Variants in EPN2 observed in about 807,000 individuals in gnomAD.
The protein encoded by EPN2 is epsin-2.
A neutral mutation model predicts 61.7 loss-of-function variants in EPN2; 34 were observed. The ratio of observed to expected loss-of-function variants is 0.55; its 90% CI spans 0.42 to 0.73. The LOEUF (loss-of-function observed/expected upper bound fraction) is 0.73. EPN2 is among the 30% of genes least tolerant of loss of function. EPN2 has a pLI of 0.00. For missense variants in EPN2, 714 were observed against 839.2 expected, an observed-to-expected ratio of 0.85 and a Z score of 1.84; for synonymous variants, 349 against 353.6, an observed-to-expected ratio of 0.99 and a Z score of 0.15.
chr17:19,289,654 A>C (rs865962844), intron 4 of EPN2, among the ~76,000 whole-genome samples: 2 of 149,732 alleles, frequency 1.3e-5, no homozygotes, highest in Middle Eastern at 3.5e-3. Flanking sequence ...CTGCAGGCAC[A>C]CTTTGGAAGT....
chr17:19,297,767 G>C (rs2045534736), intron 4 of EPN2, among the ~76,000 whole-genome samples: 2 of 152,336 alleles, frequency 1.3e-5, no homozygotes, highest in East Asian at 3.8e-4. Context: ...TGGCCACAGA[G>C]GGTGCCCATG....
At position 19,285,943 on chromosome 17, in the gene EPN2, C is replaced by G. The variant is rs2045400352; in HGVS notation, c.766+153C>G. On this transcript the variant is annotated intron_variant, in intron 4 of 10. Coordinates refer to ENST00000314728, the MANE Select transcript of EPN2 (RefSeq NM_014964.5). This position sits in a 1 kb window ranked among gnomAD's most constrained non-coding sequence, Gnocchi z 4.5. The stretch of plus-strand genomic sequence containing the variant: ...GCCCAGGAGCCCTTTCTTCCTCTCT[C>G]CTGGGAGCTTGTGGCCTGGTCGTGC... Among the ~76,000 whole-genome samples the G allele has an allele frequency of 1.3e-5, 2 of 152,246 alleles. No homozygotes were observed.
chr17:19,296,034 T>G (rs553218517), intron 4 of EPN2, among the ~76,000 whole-genome samples: 1 of 152,308 alleles, frequency 6.6e-6, no homozygotes, highest in South Asian at 2.1e-4. Flanking sequence ...TGACTGCTAA[T>G]GGAAAGCTTA....
At chr17:19,314,518 T>G (rs574470637) in intron 7 of EPN2, among the ~76,000 whole-genome samples, 110 of 152,232 alleles carry the variant, frequency 7.2e-4, no homozygotes, top group African/African-American at 2.5e-3. Context: ...CCCAGATCAC[T>G]CAGGGCCTGC....
At chr17:19,313,422 C>A in intron 7 of EPN2, 143 bp downstream of exon 7, 1 of 637,076 alleles carries the variant, frequency 1.6e-6, no homozygotes, top group Non-Finnish European at 2.5e-6. Flanking sequence ...CAGTGATATC[C>A]AACTGGCCCT....
At position 19,291,728 on chromosome 17, in the gene EPN2, T is replaced by TCG. The variant is rs373576163; in HGVS notation, c.766+5942_766+5943dup. Among the ~76,000 whole-genome samples the TCG allele has an allele frequency of 1.4e-4, 21 of 152,248 alleles. 1 individual carries two copies. The highest frequency in any genetic ancestry group is 5.1e-4 in the African/African-American group (21 of 41,548). On this transcript the variant is annotated intron_variant, in intron 4 of 10. Transcript: ENST00000314728. ...GTGCTGGAATTACAGGCGTGAGCCA[T>TCG]CGCGCCCGGCCTCATTCTTAAACCC... is the stretch of plus-strand genomic sequence containing the variant.
In EPN2 at chr17:19,329,179, C is replaced by T. The variant is rs117914307; in HGVS notation, c.1324+292C>T. The T allele has an allele frequency of 2.5e-5, 11 of 444,930 alleles. No homozygotes were observed. The East Asian group carries it at 4.1e-4, about 16-fold the overall frequency. The allele number at this position is 444,930 out of a possible 1,614,324, so 27.6% of individuals were successfully genotyped here. A position where few individuals can be genotyped will look rare whatever the true frequency, so the allele number is the denominator to read the frequency against. On this transcript the variant is annotated intron_variant, in intron 8 of 10. Coordinates refer to ENST00000314728, the MANE Select transcript of EPN2 (RefSeq NM_014964.5). ...CACAGCCTGTGGGTCCTGTCCTCAC[C>T]CCTGGGGGGCTGGGCAGGCTGGCCT...
intron 2 of EPN2, 192 bp from the exon 3 acceptor site, chr17:19,282,758 A>G (rs2045370380): frequency 5.7e-6 from 1 of 175,976 alleles, no homozygotes; most frequent in Non-Finnish European, 1.2e-5. Context: ...CTTTTCTCCT[A>G]AAGGCTTAAA....
chr17:19,318,549 C>CAAAAAAA lies in EPN2; in HGVS notation c.1147+5282_1147+5288dup, dbSNP rs58660254. ...TGGGCAACAGAGCGAGACTCCATCTCAAAAAAAAAAAAAAAAAAGAGTAGG... is the reference window on the plus strand; with the variant it reads ...TGGGCAACAGAGCGAGACTCCATCTCAAAAAAAAAAAAAAAAAAAAAAAAAGAGTAGG... On this transcript the variant is annotated intron_variant, in intron 7 of 10. Coordinates refer to ENST00000314728, the MANE Select transcript of EPN2 (RefSeq NM_014964.5). Among the ~76,000 whole-genome samples, 29 of 24,762 alleles carry CAAAAAAA rather than the reference C, an allele frequency of 1.2e-3. 7 individuals carry two copies. The highest frequency in any genetic ancestry group is 2.0e-3 in the Non-Finnish European group (19 of 9,546). The allele number at this position is 24,762 out of a possible 152,430, so 16.2% of individuals were successfully genotyped here.
At chr17:19,307,909 A>G in intron 4 of EPN2, 1 of 985,386 alleles carries the variant, frequency 1.0e-6, no homozygotes, top group African/African-American at 1.7e-5. Context: ...CTCCTTTGTC[A>G]GGAATTATTC....
intron 1 of EPN2, among the ~76,000 whole-genome samples, chr17:19,278,812 C>G (rs866926784): frequency 1.8e-4 from 28 of 152,268 alleles, no homozygotes; most frequent in African/African-American, 6.5e-4. Flanking sequence ...CCATGCCTGG[C>G]TAATTTTTAT....
At chr17:19,312,720 T>C (rs150869346) in intron 6 of EPN2, among the ~76,000 whole-genome samples, 1 of 152,252 alleles carries the variant, frequency 6.6e-6, no homozygotes, top group East Asian at 1.9e-4. Context: ...TGGGGTGGTC[T>C]TGAGAGTGGG....
chr17:19,312,345 C>T (rs1906181789), intron 6 of EPN2, among the ~76,000 whole-genome samples: 1 of 152,198 alleles, frequency 6.6e-6, no homozygotes, highest in Admixed American at 6.5e-5. Flanking sequence ...CACTTAATGT[C>T]CCAGTGCCTC....
At chr17:19,313,046 T>TAAATA in intron 6 of EPN2, 59 bp from the exon 7 acceptor site, 1 of 1,522,508 alleles carries the variant, frequency 6.6e-7, no homozygotes, top group South Asian at 1.2e-5. Flanking sequence ...GGCTAGTTCA[T>TAAATA]GAGTATTTGC....
At chr17:19,243,384 ATTTTTT>A (rs1013094131) in intron 1 of EPN2, among the ~76,000 whole-genome samples, 8 of 77,264 alleles carry the variant, frequency 1.0e-4, no homozygotes, top group East Asian at 5.6e-4. Context: ...TGCCTGGCTA[ATTTTTT>A]TTTTTTTTTT....
At chr17:19,255,138 C>G (rs2152204693) in intron 1 of EPN2, among the ~76,000 whole-genome samples, 1 of 152,252 alleles carries the variant, frequency 6.6e-6, no homozygotes, top group Middle Eastern at 3.4e-3. Flanking sequence ...TGTGTCACGT[C>G]TTTGGTGGAT....
chr17:19,242,868 A>AT lies in EPN2; in HGVS notation c.-294+5342dup, dbSNP rs888989550. On this transcript the variant is annotated intron_variant, in intron 1 of 10. Transcript: ENST00000314728. The stretch of plus-strand genomic sequence containing the variant: ...TTAATCACTTCTGAGTGCAGGCTTC[A>AT]TTTTTCCTCTTGGTCCCACCCCTCT... Among the ~76,000 whole-genome samples, 16 of 152,240 alleles carry AT rather than the reference A, an allele frequency of 1.1e-4. No homozygotes were observed. The East Asian group carries it at 1.7e-3, about 17-fold the overall frequency.
intron 4 of EPN2, among the ~76,000 whole-genome samples, chr17:19,299,994 G>A (rs542655012): frequency 2.0e-5 from 3 of 152,344 alleles, no homozygotes; most frequent in African/African-American, 7.2e-5. Flanking sequence ...CGTGGCCCCT[G>A]CTTTCCGCCC....
chr17:19,286,187 A>C (rs1169049810), intron 4 of EPN2, among the ~76,000 whole-genome samples: 1 of 152,180 alleles, frequency 6.6e-6, no homozygotes, highest in Non-Finnish European at 1.5e-5. Flanking sequence ...AAACCTCACA[A>C]CACCAGACAA....
Sources: gnomAD v4.1 joint callset for allele counts (sites outside exome capture counted in the v4.1 genomes callset) on GRCh38, gnomAD v4.1.1 for gene constraint, Gnocchi (gnomAD v3.1) non-coding constraint, MANE v1.5 for transcripts, NCBI Gene and HGNC (gene_info 2026-07-23, HGNC 2026-07-21) for gene names.